POMT1: variants seen among roughly 807,000 people sequenced by gnomAD.
POMT1 encodes the protein protein O-mannosyltransferase 1, also known as protein O-mannosyl-transferase 1.
POMT1 carries 85 observed loss-of-function variants against 101.6 expected under a neutral mutation model. That is an observed-to-expected ratio of 0.84 (90% confidence interval 0.70 to 1.00). POMT1 has a LOEUF of 1.00. Ranked by LOEUF, POMT1 falls within the 50% of genes least tolerant of loss-of-function variation. The pLI is 0.00. For synonymous variants in POMT1, 371 were observed against 383.0 expected, an observed-to-expected ratio of 0.97 and a Z score of 0.37; for missense variants, 857 against 930.4, an observed-to-expected ratio of 0.92 and a Z score of 1.03.
intron 2 of POMT1, among the ~76,000 whole-genome samples, chr9:131,504,747 A>ATTG (rs56692415): frequency 5.7e-5 from 7 of 122,772 alleles, no homozygotes; most frequent in African/African-American, 2.0e-4. Context: ...TAACTGATTA[A>ATTG]TGTGTGTATG....
chr9:131,523,000 C>G lies in POMT1; in HGVS notation c.2072C>G (p.Ser691Cys). ...TGGTACTCCTCCGCGTGCCACGTGTCCAACACGCTGCGCCCACTCACCTAC... is the reference window on the plus strand; with the variant it reads ...TGGTACTCCTCCGCGTGCCACGTGTGCAACACGCTGCGCCCACTCACCTAC... ...VAWYSSACHVSNTLRPLTYGD... is the reference protein window; with the variant it reads ...VAWYSSACHVCNTLRPLTYGD... Residue 691 changes from serine to cysteine, a missense_variant, in exon 20 of 20, where the codon TCC becomes TGC. Physicochemically the swap from Ser to Cys is moderately radical, Grantham distance 112. Coordinates refer to ENST00000402686, the MANE Select transcript of POMT1 (RefSeq NM_001077365.2). The surrounding 1 kb of genome is among the most constrained non-coding windows in gnomAD (Gnocchi z 5.5). 1 of 1,608,926 alleles carries G rather than the reference C, an allele frequency of 6.2e-7. No homozygotes were observed. The highest frequency in any genetic ancestry group is 1.1e-5 in the South Asian group (1 of 90,438).
In POMT1 at chr9:131,506,120, C is replaced by T. The variant is rs200465419; in HGVS notation, c.129C>T (p.Asp43=). The T allele has an allele frequency of 2.4e-4, 392 of 1,613,048 alleles. 1 individual carries two copies. The Middle Eastern group carries it at 2.8e-3, about 12-fold the overall frequency. The change falls in exon 3 of 20, where the codon GAC becomes GAT. Residue 43 remains aspartate (D), a synonymous_variant. Coordinates refer to ENST00000402686, the MANE Select transcript of POMT1 (RefSeq NM_001077365.2). ...RLTYPRAVVF[D]EVYYGQYISF... is the part of the protein sequence containing the mutation. ...TTGTTGTTTTTTTTTCTAGTTTTGA[C>T]GAAGTATATTATGGGCAGTACATCT... is the stretch of plus-strand genomic sequence containing the variant.
At chr9:131,508,850 T>G (rs1946440709) in intron 5 of POMT1, 61 bp from the exon 6 acceptor site, 1 of 1,208,100 alleles carries the variant, frequency 8.3e-7, no homozygotes, top group Non-Finnish European at 1.2e-6. Flanking sequence ...TGAGTGTTTT[T>G]CATCCTCATA....
chr9:131,517,593 T>C (rs1006608269), intron 13 of POMT1, among the ~76,000 whole-genome samples: 1 of 152,160 alleles, frequency 6.6e-6, no homozygotes, highest in Non-Finnish European at 1.5e-5. Context: ...GTTCCATTTT[T>C]GTGCAGAGTG....
rs151183697 is a variant in POMT1, at chr9:131,519,412, C to T, written c.1510C>T (p.Arg504Trp). Residue 504 changes from arginine to tryptophan, a missense_variant, in exon 16 of 20, where the codon CGG (arginine) becomes TGG (tryptophan). Arg to Trp is a moderately radical substitution (Grantham distance 101, BLOSUM62 -3). Coordinates refer to ENST00000402686, the MANE Select transcript of POMT1 (RefSeq NM_001077365.2). The surrounding 1 kb of genome is among the most constrained non-coding windows in gnomAD (Gnocchi z 4.3). Reference protein sequence around the residue: ...GASQEQRERERELHSPAQVDV... With the variant: ...GASQEQREREWELHSPAQVDV... ...AGGCCAGGAGCAGAGGGAGCGGGAACGGGAGCTGCACTCACCTGCGCAGGT... is the reference window on the plus strand; with the variant it reads ...AGGCCAGGAGCAGAGGGAGCGGGAATGGGAGCTGCACTCACCTGCGCAGGT... The T allele has an allele frequency of 5.2e-6, 8 of 1,551,972 alleles. No individual in the cohort carries two copies. Among genetic ancestry groups the T allele is most frequent in the African/African-American group, 4.1e-5 (3 of 73,148 alleles).
chr9:131,509,157 A>G (rs537164274), intron 6 of POMT1, 135 bp downstream of exon 6: 2 of 708,458 alleles, frequency 2.8e-6, no homozygotes, highest in African/African-American at 3.6e-5. Flanking sequence ...GTTGCTTGCT[A>G]AATATCTTTT....
At chr9:131,504,074 A>G in intron 1 of POMT1, 115 bp from the exon 2 acceptor site, 1 of 1,287,912 alleles carries the variant, frequency 7.8e-7, no homozygotes, top group Non-Finnish European at 1.1e-6. Flanking sequence ...GGTCTTTCTC[A>G]GCAGCCCGGC....
Position 131,521,281 on chromosome 9 carries a change from GTTCTC to G in POMT1, c.1699-56_1699-52del, listed in dbSNP as rs377758599. The stretch of plus-strand genomic sequence containing the variant: ...GCGTGCATCTGAATTCCTTTCCTGT[GTTCTC>G]TTCTCTTCCCTCCCTGAGCAGAGGG... On this transcript the variant is annotated intron_variant, in intron 17 of 19. Transcript: ENST00000402686. The G allele has an allele frequency of 7.5e-5, 120 of 1,609,948 alleles. No homozygotes were observed. In the Middle Eastern group the frequency reaches 1.2e-3, roughly 16 times the overall value.
At chr9:131,520,344 G>A (rs1949667432) in intron 17 of POMT1, 151 bp downstream of exon 17, 12 of 757,404 alleles carry the variant, frequency 1.6e-5, no homozygotes, top group Middle Eastern at 5.8e-4. Flanking sequence ...TTCTCTAAAC[G>A]CTTTGGCAAC....
intron 10 of POMT1, 84 bp from the exon 11 acceptor site, chr9:131,511,957 T>C (rs1250491361): frequency 3.4e-6 from 5 of 1,450,208 alleles, no homozygotes; most frequent in Admixed American, 3.6e-5. Flanking sequence ...GCAGTTATCC[T>C]ACCTCAGCCT....
chr9:131,508,014 C>T (rs911857630), intron 5 of POMT1, among the ~76,000 whole-genome samples: 2 of 152,014 alleles, frequency 1.3e-5, no homozygotes, highest in East Asian at 1.9e-4. Context: ...GGGCAGATCA[C>T]GAGGTCAGGA....
At position 131,523,524 on chromosome 9, in the gene POMT1, C is replaced by T; in HGVS notation, c.*418C>T. The T allele has an allele frequency of 3.4e-6, 1 of 290,824 alleles. No homozygotes were observed. Among genetic ancestry groups the T allele is most frequent in the Non-Finnish European group, 6.7e-6 (1 of 148,834 alleles). 18.0% of individuals were successfully genotyped at this position (290,824 alleles called of 1,614,324 possible). A position where few individuals can be genotyped will look rare whatever the true frequency, so the allele number is the denominator to read the frequency against. On this transcript the variant is annotated 3_prime_UTR_variant, in exon 20 of 20. Transcript: ENST00000402686. ...TGAACACCCAGCAACCTGAGCAAGT[C>T]CCGGCCCTGCCCTCAGCGAGCCCGG...
chr9:131,511,140 G>C, intron 9 of POMT1, 197 bp from the exon 10 acceptor site: 1 of 597,156 alleles, frequency 1.7e-6, no homozygotes, highest in Non-Finnish European at 2.8e-6. Flanking sequence ...CCCAGAGGCA[G>C]CATTTGATCA....
rs1012930998 is a variant in POMT1 at position 131,519,149 on chromosome 9, G to C, written c.1486+192G>C. Among the ~76,000 whole-genome samples, 3 of 152,186 alleles carry C rather than the reference G, an allele frequency of 2.0e-5. No individual in the cohort carries two copies. The highest frequency in any genetic ancestry group is 7.2e-5 in the African/African-American group (3 of 41,440). On this transcript the variant is annotated intron_variant, in intron 15 of 19. Transcript: ENST00000402686. The surrounding 1 kb of genome is among the most constrained non-coding windows in gnomAD (Gnocchi z 4.3). ...AATAACTCAAGACGCTTCTTCCGAG[G>C]TGTCGCTGGAAGGCAACCAGTTTAT...
rs755248350 is a variant in POMT1 at position 131,510,260 on chromosome 9, G to A, written c.700G>A (p.Val234Ile). 12 of 1,614,124 alleles carry A rather than the reference G, an allele frequency of 7.4e-6. No individual in the cohort carries two copies. In the Admixed American group the frequency reaches 1.8e-4, roughly 25 times the overall value. Residue 234 changes from valine (V) to isoleucine (I), a missense_variant and splice_region_variant, in exon 9 of 20, where the codon GTC becomes ATC. Coordinates refer to ENST00000402686, the MANE Select transcript of POMT1 (RefSeq NM_001077365.2). ...TGACTTTTCTTTGAATCTCTGGCAG[G>A]TCTGTGTGTTCTGTCACTTGCTCGC... is the stretch of plus-strand genomic sequence containing the variant. ...HLLGDQTLSN[V>I]CVFCHLLARA... is the part of the protein sequence containing the mutation.
intron 10 of POMT1, 167 bp from the exon 11 acceptor site, chr9:131,511,874 C>T (rs1947186132): frequency 2.8e-6 from 2 of 712,838 alleles, no homozygotes; most frequent in Non-Finnish European, 2.4e-6. Flanking sequence ...CTTTCCCTTT[C>T]TTTTCTTTTT....
chr9:131,507,585 C>T (rs1588350431), intron 5 of POMT1, 71 bp downstream of exon 5: 2 of 1,601,764 alleles, frequency 1.2e-6, no homozygotes, highest in Non-Finnish European at 1.7e-6. Context: ...CGGAAGATCA[C>T]ATGGGCTTGG....
At position 131,506,425 on chromosome 9, in the gene POMT1, C is replaced by G. The variant is rs1216063058; in HGVS notation, c.252C>G (p.Gly84=). The G allele has an allele frequency of 6.2e-7, 1 of 1,612,936 alleles. No individual in the cohort carries two copies. Among genetic ancestry groups the G allele is most frequent in the Non-Finnish European group, 8.5e-7 (1 of 1,179,070 alleles). ...ALGGYLGGFD[G]NFLWNRIGAE... ...CAGGTTATTTAGGAGGATTCGATGG[C>G]AATTTTTTGTGGAACAGAATTGGAG... The change falls in exon 4 of 20, where the codon GGC becomes GGG. Residue 84 remains glycine, a synonymous_variant. Transcript: ENST00000402686.
Position 131,508,992 on chromosome 9 carries a change from A to T in POMT1, c.509A>T (p.Tyr170Phe). 1 of 1,613,452 alleles carries T rather than the reference A, an allele frequency of 6.2e-7. No individual in the cohort carries two copies. Among genetic ancestry groups the T allele is most frequent in the South Asian group, 1.1e-5 (1 of 91,070 alleles). ...TTCAATCTATTGGCCGTGTTGTCCT[A>T]CCTGAAGTTCTTCAACTGCCAAAAG... Reference protein sequence around the residue: ...IFFNLLAVLSYLKFFNCQKHS... With the variant: ...IFFNLLAVLSFLKFFNCQKHS... Residue 170 changes from tyrosine (Y) to phenylalanine (F), a missense_variant, in exon 6 of 20, where the codon TAC becomes TTC. Tyr to Phe is a conservative substitution (Grantham distance 22). Transcript: ENST00000402686.
Sources: allele counts gnomAD v4.1 joint callset (sites outside exome capture counted in the v4.1 genomes callset), GRCh38; gene constraint gnomAD v4.1.1; non-coding constraint Gnocchi (gnomAD v3.1); transcripts MANE v1.5; gene names NCBI Gene and HGNC (gene_info 2026-07-23, HGNC 2026-07-21).